Variants in SUCLG2 observed in about 807,000 individuals in gnomAD.
SUCLG2 encodes succinate-CoA ligase GDP-forming subunit beta, also known as succinate--CoA ligase [GDP-forming] subunit beta, mitochondrial.
A neutral mutation model predicts 47.9 loss-of-function variants in SUCLG2; 42 were observed. The ratio of observed to expected loss-of-function variants is 0.88; its 90% CI spans 0.69 to 1.14. The LOEUF (loss-of-function observed/expected upper bound fraction) is 1.14, where lower values mean the gene tolerates loss of function less well. SUCLG2 is among the 50% of genes most tolerant of loss of function. The probability of loss-of-function intolerance (pLI) is 0.00; values close to 1 mark genes in which losing one functional copy is unlikely to be tolerated. For synonymous variants in SUCLG2, 195 were observed against 197.3 expected (o/e 0.99, Z 0.10); for missense variants, 571 against 525.9 (o/e 1.09, Z -0.84).
intron 2 of SUCLG2, among the ~76,000 whole-genome samples, chr3:67,541,496 C>T (rs373185141): frequency 6.6e-6 from 1 of 152,130 alleles, no homozygotes; most frequent in African/African-American, 2.4e-5. Flanking sequence ...AACAAAGCCT[C>T]CAAAAAATAT....
chr3:67,384,396 A>G (rs1702218525), intron 10 of SUCLG2, among the ~76,000 whole-genome samples: 1 of 152,132 alleles, frequency 6.6e-6, no homozygotes, highest in Non-Finnish European at 1.5e-5. Flanking sequence ...TGTTTTTGTT[A>G]AAAAAAGATT....
chr3:67,408,784 C>T, intron 9 of SUCLG2: 3 of 1,344,298 alleles, frequency 2.2e-6, no homozygotes, highest in Non-Finnish European at 2.9e-6. Context: ...TTATAACTTT[C>T]CCTGGTAAAT....
At chr3:67,573,455 A>G (rs1472020116) in intron 2 of SUCLG2, among the ~76,000 whole-genome samples, 2 of 152,254 alleles carry the variant, frequency 1.3e-5, no homozygotes, top group African/African-American at 4.8e-5. Flanking sequence ...TCTGACATAT[A>G]TTACATTTGA....
chr3:67,451,686 C>A (rs1029496476), intron 9 of SUCLG2, among the ~76,000 whole-genome samples: 1 of 151,944 alleles, frequency 6.6e-6, no homozygotes, highest in Non-Finnish European at 1.5e-5. Flanking sequence ...GGTGGGGCGG[C>A]AATTATAGTT....
chr3:67,580,706 C>T (rs540796553), intron 2 of SUCLG2, among the ~76,000 whole-genome samples: 1 of 152,172 alleles, frequency 6.6e-6, no homozygotes, highest in South Asian at 2.1e-4. Context: ...GAAGCTGTTT[C>T]ATCTTCCAAA....
At position 67,512,250 on chromosome 3, in the gene SUCLG2, A is replaced by G. The variant is rs371578176; in HGVS notation, c.661-3347T>C. On this transcript the variant is annotated intron_variant, in intron 6 of 10. Transcript: ENST00000307227. ...TCCCATTCTGAGAGTATTTTTAAAAATTCTCCCATTATTTTTTCTAGTATT... is the reference window on the plus strand; with the variant it reads ...TCCCATTCTGAGAGTATTTTTAAAAGTTCTCCCATTATTTTTTCTAGTATT... Among the ~76,000 whole-genome samples the G allele has an allele frequency of 2.3e-4, 35 of 151,298 alleles. No homozygotes were observed. In the East Asian group the frequency reaches 5.0e-3, roughly 22 times the overall value.
intron 2 of SUCLG2, among the ~76,000 whole-genome samples, chr3:67,599,871 A>G (rs1708379237): frequency 6.6e-6 from 1 of 152,210 alleles, no homozygotes; most frequent in African/African-American, 2.4e-5. Context: ...CCTAAGGTAG[A>G]TCAAGTAACA....
At chr3:67,373,106 T>C (rs1019793278), downstream of SUCLG2, among the ~76,000 whole-genome samples, 3 of 152,212 alleles carry the variant, frequency 2.0e-5, no homozygotes, top group Non-Finnish European at 4.4e-5. Context: ...CACTATGATA[T>C]ATATTTTCTC....
At chr3:67,538,069 GT>G (rs1706595840) in intron 2 of SUCLG2, among the ~76,000 whole-genome samples, 1 of 152,140 alleles carries the variant, frequency 6.6e-6, no homozygotes, top group Non-Finnish European at 1.5e-5. Flanking sequence ...AAGCTCTTTA[GT>G]TTAATTAGAG....
chr3:67,500,737 A>G (rs1440364661), intron 7 of SUCLG2, among the ~76,000 whole-genome samples: 1 of 152,208 alleles, frequency 6.6e-6, no homozygotes, highest in African/African-American at 2.4e-5. Flanking sequence ...CATTGGCAAG[A>G]CTACTTATAA....
intron 2 of SUCLG2, among the ~76,000 whole-genome samples, chr3:67,559,015 T>G (rs1707236817): frequency 1.3e-5 from 2 of 152,226 alleles, no homozygotes; most frequent in South Asian, 4.1e-4. Flanking sequence ...CATATAGGTT[T>G]CAACTCTTAA....
chr3:67,478,690 T>G (rs1033231890), intron 9 of SUCLG2, among the ~76,000 whole-genome samples: 2 of 152,088 alleles, frequency 1.3e-5, no homozygotes, highest in African/African-American at 4.8e-5. Context: ...AACAAGTAAG[T>G]GAGTGGGAAA....
At chr3:67,627,216 A>C (rs11712921) in intron 1 of SUCLG2, among the ~76,000 whole-genome samples, 3 of 151,822 alleles carry the variant, frequency 2.0e-5, no homozygotes, top group East Asian at 3.9e-4. Flanking sequence ...AAATCTACTT[A>C]ACTATATTTA....
chr3:67,526,544 A>T (rs1559558417), intron 4 of SUCLG2, among the ~76,000 whole-genome samples: 1 of 152,224 alleles, frequency 6.6e-6, no homozygotes, highest in African/African-American at 2.4e-5. Context: ...AGCATCCATG[A>T]ACAGACAATT....
Position 67,573,589 on chromosome 3 carries a change from C to T in SUCLG2, c.226+35866G>A, listed in dbSNP as rs117152621. On this transcript the variant is annotated intron_variant, in intron 2 of 10. Transcript: ENST00000307227. The stretch of plus-strand genomic sequence containing the variant: ...AAAATCAAGGTATTAGTGAGACAGC[C>T]ACATGGGAGGGGGTCCCTGGAGAAA... 3.4e-4 allele frequency among the ~76,000 whole-genome samples: 52 copies of T among 152,190 alleles called. No homozygotes were observed. The East Asian group carries it at 7.9e-3, about 23-fold the overall frequency.
At position 67,563,860 on chromosome 3, in the gene SUCLG2, C is replaced by A. The variant is rs536871925; in HGVS notation, c.227-34674G>T. ...CCCGTAGTCCCAGCTACTCAGGAGG[C>A]TGAGGCAGGAGAATGGCGTGAACCC... On this transcript the variant is annotated intron_variant, in intron 2 of 10. Coordinates refer to ENST00000307227, the MANE Select transcript of SUCLG2 (RefSeq NM_003848.4). Among the ~76,000 whole-genome samples the A allele has an allele frequency of 2.0e-5, 3 of 150,042 alleles. No homozygotes were observed. The Admixed American group carries it at 2.0e-4, about 10-fold the overall frequency.
chr3:67,573,921 A>G (rs1036261801), intron 2 of SUCLG2, among the ~76,000 whole-genome samples: 5 of 152,096 alleles, frequency 3.3e-5, no homozygotes, highest in Non-Finnish European at 7.4e-5. Context: ...GCAGGGCTAC[A>G]TTTTTTCCTG....
At chr3:67,376,258 C>G (rs1294623704) in intron 10 of SUCLG2, 1 of 985,408 alleles carries the variant, frequency 1.0e-6, no homozygotes. Flanking sequence ...ATCTGCCCAG[C>G]TATGTCCACA....
intron 1 of SUCLG2, among the ~76,000 whole-genome samples, chr3:67,646,145 T>C (rs1417658591): frequency 6.6e-6 from 1 of 150,724 alleles, no homozygotes; most frequent in Non-Finnish European, 1.5e-5. Context: ...GTGCCCTAAA[T>C]GGATCAGGCC....
Sources: allele counts gnomAD v4.1 joint callset (sites outside exome capture counted in the v4.1 genomes callset), GRCh38; gene constraint gnomAD v4.1.1; transcripts MANE v1.5; gene names NCBI Gene and HGNC (gene_info 2026-07-23, HGNC 2026-07-21).